The following CDH13 variants were observed in gnomAD, a reference collection of about 807,000 sequenced individuals.
The protein encoded by CDH13 is cadherin-13.
CDH13 carries 24 observed loss-of-function variants against 63.8 expected under a neutral mutation model. The ratio of observed to expected loss-of-function variants is 0.38; its 90% CI spans 0.27 to 0.53. The LOEUF (loss-of-function observed/expected upper bound fraction) is 0.53, where lower values mean the gene tolerates loss of function less well. Among genes scored for constraint, CDH13 ranks in the 20% least tolerant of loss-of-function variants. The pLI, the probability that CDH13 is intolerant of heterozygous loss-of-function variation, is 0.85. For missense variants in CDH13, 1,049 were observed against 903.1 expected, an observed-to-expected ratio of 1.16 and a Z score of -2.07; for synonymous variants, 503 against 355.3, an observed-to-expected ratio of 1.42 and a Z score of -4.67.
In CDH13 at chr16:83,365,225, G is replaced by A. The variant is rs554828667; in HGVS notation, c.781+20219G>A. 2.0e-4 allele frequency among the ~76,000 whole-genome samples: 31 copies of A among 152,302 alleles called. No individual in the cohort carries two copies. The East Asian group carries it at 4.8e-3, about 24-fold the overall frequency. The stretch of plus-strand genomic sequence containing the variant: ...TGATGGTATCATTTCCAGTCTAAAC[G>A]CCAGCAGGAAGGGCCAATGTATTGT... On this transcript the variant is annotated intron_variant, in intron 6 of 13. Coordinates refer to ENST00000567109, the MANE Select transcript of CDH13 (RefSeq NM_001257.5).
intron 10 of CDH13, among the ~76,000 whole-genome samples, chr16:83,704,938 T>C (rs1447807774): frequency 6.6e-6 from 1 of 152,236 alleles, no homozygotes; most frequent in Non-Finnish European, 1.5e-5. Flanking sequence ...CCAACAATCA[T>C]TTAAAAACTT....
At chr16:82,877,156 C>G (rs1044365423) in intron 2 of CDH13, among the ~76,000 whole-genome samples, 1 of 152,072 alleles carries the variant, frequency 6.6e-6, no homozygotes, top group Non-Finnish European at 1.5e-5. Flanking sequence ...TAGCCTCAAG[C>G]AATTTAAGAT....
intron 7 of CDH13, among the ~76,000 whole-genome samples, chr16:83,556,230 A>G (rs970341537): frequency 1.3e-5 from 2 of 152,222 alleles, no homozygotes; most frequent in African/African-American, 2.4e-5. Flanking sequence ...AATTATTGTT[A>G]TTTTGATAAG....
intron 2 of CDH13, among the ~76,000 whole-genome samples, chr16:83,028,893 T>C (rs1466825459): frequency 6.6e-6 from 1 of 152,124 alleles, no homozygotes; most frequent in Non-Finnish European, 1.5e-5. Flanking sequence ...GTATTCTCCA[T>C]GGGGTATTGT....
chr16:82,670,465 A>T (rs1012850767), intron 1 of CDH13, among the ~76,000 whole-genome samples: 4 of 152,228 alleles, frequency 2.6e-5, no homozygotes, highest in Non-Finnish European at 5.9e-5. Flanking sequence ...TCTGGAATTA[A>T]TAAAAGCTCA....
chr16:83,495,947 G>T (rs937283629), intron 7 of CDH13, among the ~76,000 whole-genome samples: 11 of 151,812 alleles, frequency 7.2e-5, no homozygotes, highest in Admixed American at 2.0e-4. Context: ...GAATCCAACT[G>T]ACAAGGGATG....
chr16:83,652,908 T>C (rs1372640879), intron 8 of CDH13, among the ~76,000 whole-genome samples: 1 of 152,148 alleles, frequency 6.6e-6, no homozygotes, highest in Admixed American at 6.5e-5. Flanking sequence ...TCCAGGTCCA[T>C]CAACTGATAA....
intron 2 of CDH13, among the ~76,000 whole-genome samples, chr16:82,878,712 G>T (rs1469626202): frequency 6.6e-6 from 1 of 151,252 alleles, no homozygotes; most frequent in East Asian, 2.1e-4. Context: ...AGTTGGCAGG[G>T]AACTTACAAA....
At chr16:83,038,617 G>T (rs575195333) in intron 3 of CDH13, among the ~76,000 whole-genome samples, 12 of 152,280 alleles carry the variant, frequency 7.9e-5, no homozygotes, top group African/African-American at 2.9e-4. Flanking sequence ...GCCCAACAAG[G>T]ATGAAACGAA....
At chr16:83,605,720 T>C (rs1225691770) in intron 8 of CDH13, among the ~76,000 whole-genome samples, 13 of 152,262 alleles carry the variant, frequency 8.5e-5, no homozygotes, top group South Asian at 2.1e-4. Flanking sequence ...AGAAAGATAT[T>C]ATTATGACAG....
At chr16:82,660,883 C>T (rs1250931309) in intron 1 of CDH13, among the ~76,000 whole-genome samples, 1 of 151,552 alleles carries the variant, frequency 6.6e-6, no homozygotes, top group Non-Finnish European at 1.5e-5. Flanking sequence ...TGTAAAGAGC[C>T]TTTTGAAGTA....
chr16:83,787,279 G>A (rs138602487), intron 13 of CDH13, among the ~76,000 whole-genome samples: 2 of 152,288 alleles, frequency 1.3e-5, no homozygotes, highest in African/African-American at 2.4e-5. Flanking sequence ...GGCCATATTA[G>A]TCTCTGTCAC....
At chr16:83,369,507 C>G (rs547648011) in intron 6 of CDH13, among the ~76,000 whole-genome samples, 4 of 152,160 alleles carry the variant, frequency 2.6e-5, no homozygotes, top group Non-Finnish European at 5.9e-5. Context: ...CAGCATCTAG[C>G]TCCAAGGCTC....
chr16:83,201,392 G>A (rs4356467), intron 4 of CDH13, among the ~76,000 whole-genome samples: 125,688 of 151,826 alleles, frequency 0.83, 52,300 homozygotes, highest in Non-Finnish European at 0.88. Context: ...TGGAAGGAAA[G>A]GCACTACTTT....
intron 7 of CDH13, among the ~76,000 whole-genome samples, chr16:83,524,325 A>C (rs954813666): frequency 2.6e-5 from 4 of 152,190 alleles, no homozygotes; most frequent in African/African-American, 9.7e-5. Flanking sequence ...TAGATTTAAA[A>C]ATGTATAACC....
intron 1 of CDH13, among the ~76,000 whole-genome samples, chr16:82,795,858 C>G (rs894469281): frequency 2.0e-5 from 3 of 152,054 alleles, no homozygotes; most frequent in Non-Finnish European, 4.4e-5. Context: ...ATCCCTGCAT[C>G]TCCATCTCTC....
At chr16:83,427,854 C>T (rs564599371) in intron 6 of CDH13, among the ~76,000 whole-genome samples, 2 of 152,334 alleles carry the variant, frequency 1.3e-5, no homozygotes, top group South Asian at 4.1e-4. Flanking sequence ...TTAACAATTA[C>T]ATTCCTGTGA....
chr16:83,734,437 A>T (rs1005926816), intron 10 of CDH13, among the ~76,000 whole-genome samples: 3 of 152,130 alleles, frequency 2.0e-5, no homozygotes, highest in African/African-American at 7.2e-5. Flanking sequence ...TTGGGAAAAC[A>T]TGGATGAAAT....
chr16:83,002,079 C>T (rs746911590), intron 2 of CDH13, among the ~76,000 whole-genome samples: 1 of 152,208 alleles, frequency 6.6e-6, no homozygotes, highest in African/African-American at 2.4e-5. Flanking sequence ...GAAGATACAA[C>T]AGTGGATATG....
Sources: gnomAD v4.1 joint callset for allele counts (sites outside exome capture counted in the v4.1 genomes callset) on GRCh38, gnomAD v4.1.1 for gene constraint, MANE v1.5 for transcripts, NCBI Gene and HGNC (gene_info 2026-07-23, HGNC 2026-07-21) for gene names.